BMPR1B: variants seen among roughly 807,000 people sequenced by gnomAD.
The protein encoded by BMPR1B is bone morphogenetic protein receptor type 1B, also known as bone morphogenetic protein receptor type-1B.
In BMPR1B, 12 loss-of-function variants were observed where a neutral mutation model predicts 59.1. The observed-to-expected ratio is 0.20, with a 90% CI of 0.13 to 0.33. The LOEUF (loss-of-function observed/expected upper bound fraction) is 0.33. Ranked by LOEUF, BMPR1B falls within the 10% of genes least tolerant of loss-of-function variation. The pLI, the probability that BMPR1B is intolerant of heterozygous loss-of-function variation, is 1.00. For missense variants in BMPR1B, 550 were observed against 610.9 expected (o/e 0.90, Z 1.05); for synonymous variants, 237 against 207.3 (o/e 1.14, Z -1.23).
chr4:94,827,182 C>G (rs1257370851), intron 1 of BMPR1B, among the ~76,000 whole-genome samples: 1 of 152,064 alleles, frequency 6.6e-6, no homozygotes. Flanking sequence ...GCTTCAATAG[C>G]AAAAGCACTT....
rs750357066 is a variant in BMPR1B, at chr4:95,131,245, G to A, written c.809G>A (p.Gly270Glu). 6.2e-7 allele frequency: 1 copy of A among 1,613,682 alleles called. No homozygotes were observed. Among genetic ancestry groups the A allele is most frequent in the Non-Finnish European group, 8.5e-7 (1 of 1,179,896 alleles). ...ATTGCTGCAGATATCAAAGGGACAGGGTCCTGGACCCAGTTGTACCTAATC... is the reference window on the plus strand; with the variant it reads ...ATTGCTGCAGATATCAAAGGGACAGAGTCCTGGACCCAGTTGTACCTAATC... ...GFIAADIKGT[G>E]SWTQLYLITD... The change falls in exon 10 of 13, where the codon GGG becomes GAG. Residue 270 changes from glycine to glutamate, a missense_variant. Coordinates refer to ENST00000515059, the MANE Select transcript of BMPR1B (RefSeq NM_001203.3).
intron 3 of BMPR1B, among the ~76,000 whole-genome samples, chr4:95,034,554 T>G (rs1299217963): frequency 1.3e-5 from 2 of 152,104 alleles, no homozygotes; most frequent in Non-Finnish European, 2.9e-5. Context: ...CCTGAATTAT[T>G]TCACTTAGAA....
chr4:94,781,690 G>A (rs1722595478), intron 1 of BMPR1B, among the ~76,000 whole-genome samples: 1 of 152,184 alleles, frequency 6.6e-6, no homozygotes, highest in Non-Finnish European at 1.5e-5. Flanking sequence ...GGTTATAGGC[G>A]TGAGCCACTC....
At chr4:94,850,840 A>G (rs1156072) in intron 1 of BMPR1B, among the ~76,000 whole-genome samples, 24,787 of 152,004 alleles carry the variant, frequency 0.16, 2,351 homozygotes, top group Admixed American at 0.24. Context: ...CTCTCTCTCC[A>G]TGGGTTCTTT....
At chr4:95,041,665 C>T (rs1390748252) in intron 3 of BMPR1B, among the ~76,000 whole-genome samples, 1 of 151,686 alleles carries the variant, frequency 6.6e-6, no homozygotes, top group Non-Finnish European at 1.5e-5. Flanking sequence ...ATCTGGGTCC[C>T]TACCTAGTGA....
chr4:95,027,697 T>C (rs1174416193), intron 3 of BMPR1B, among the ~76,000 whole-genome samples: 1 of 152,186 alleles, frequency 6.6e-6, no homozygotes, highest in East Asian at 1.9e-4. Context: ...ATAGAACTGT[T>C]TTTACTTTTA....
At chr4:95,113,989 C>G (rs529246711) in intron 4 of BMPR1B, among the ~76,000 whole-genome samples, 6 of 152,182 alleles carry the variant, frequency 3.9e-5, no homozygotes, top group African/African-American at 1.4e-4. Context: ...TATTTCCTCT[C>G]CACTGTCTTA....
rs764792432 is a variant in BMPR1B at position 95,127,664 on chromosome 4, A to G, written c.586-2198A>G. On this transcript the variant is annotated intron_variant, in intron 8 of 12. Coordinates refer to ENST00000515059, the MANE Select transcript of BMPR1B (RefSeq NM_001203.3). ...TGTTGCTCCTGTTTCCTTGTTTGGA[A>G]ATGGAGTACAGTGGACTCAACATGA... Among the ~76,000 whole-genome samples, 53 of 152,026 alleles carry G rather than the reference A, an allele frequency of 3.5e-4. 1 individual carries two copies. The highest frequency in any genetic ancestry group is 2.8e-4 in the Non-Finnish European group (19 of 68,034).
At chr4:95,104,694 T>C (rs1488162645) in intron 4 of BMPR1B, 127 bp downstream of exon 4, 1 of 1,199,648 alleles carries the variant, frequency 8.3e-7, no homozygotes, top group African/African-American at 1.5e-5. Flanking sequence ...CGTAAACTCT[T>C]AGAGCTGTGC....
intron 1 of BMPR1B, among the ~76,000 whole-genome samples, chr4:94,770,174 G>A (rs1016612607): frequency 1.0e-4 from 4 of 38,310 alleles, no homozygotes; most frequent in African/African-American, 5.1e-4. Context: ...ATTGTCCTTC[G>A]TTTCTGTGTT....
At chr4:95,018,231 TAAAG>T (rs1723722746) in intron 3 of BMPR1B, among the ~76,000 whole-genome samples, 1 of 152,214 alleles carries the variant, frequency 6.6e-6, no homozygotes. Flanking sequence ...ATACTGTTCT[TAAAG>T]GAAGTAATTT....
intron 3 of BMPR1B, among the ~76,000 whole-genome samples, chr4:95,082,125 C>G: frequency 9.4e-6 from 1 of 106,152 alleles, no homozygotes; most frequent in Non-Finnish European, 1.8e-5. Context: ...TAATGCTATC[C>G]CTCCCCCCTC....
chr4:94,842,023 A>T (rs1725106524), intron 1 of BMPR1B, among the ~76,000 whole-genome samples: 1 of 152,156 alleles, frequency 6.6e-6, no homozygotes, highest in South Asian at 2.1e-4. Context: ...GAAGACAGAG[A>T]TGCTGATGAT....
intron 2 of BMPR1B, among the ~76,000 whole-genome samples, chr4:94,984,816 G>A (rs574881580): frequency 7.2e-5 from 11 of 152,296 alleles, no homozygotes; most frequent in East Asian, 1.9e-4. Flanking sequence ...AGGAGGAAAC[G>A]CTACCAGTGT....
At chr4:95,011,128 TGGTTA>T (rs1723196743) in intron 3 of BMPR1B, among the ~76,000 whole-genome samples, 3 of 152,254 alleles carry the variant, frequency 2.0e-5, no homozygotes, top group Admixed American at 6.5e-5. Context: ...ATGTGAAGGC[TGGTTA>T]CGTAGGTAAA....
rs569858934 is a variant in BMPR1B at position 95,147,350 on chromosome 4, T to C, written c.1077-1398T>C. ...TAAAATGTTCTCAAATGACAAAAAA[T>C]GACACCATGTATTTCATGTTGTAGA... On this transcript the variant is annotated intron_variant, in intron 10 of 12. Coordinates refer to ENST00000515059, the MANE Select transcript of BMPR1B (RefSeq NM_001203.3). Among the ~76,000 whole-genome samples, 4 of 152,300 alleles carry C rather than the reference T, an allele frequency of 2.6e-5. No individual in the cohort carries two copies. In the South Asian group the frequency reaches 8.3e-4, roughly 32 times the overall value.
chr4:95,130,860 G>C (rs1733301232), intron 9 of BMPR1B, among the ~76,000 whole-genome samples: 1 of 150,496 alleles, frequency 6.6e-6, no homozygotes, highest in South Asian at 2.1e-4. Flanking sequence ...TTCCCGAGTA[G>C]TTGGGATCAC....
At chr4:95,080,299 C>T (rs1051178214) in intron 3 of BMPR1B, among the ~76,000 whole-genome samples, 3 of 151,924 alleles carry the variant, frequency 2.0e-5, no homozygotes, top group Non-Finnish European at 2.9e-5. Flanking sequence ...TGCAGTGGTA[C>T]GATCTCGGCT....
chr4:95,116,099 T>A (rs1433067524), intron 6 of BMPR1B, among the ~76,000 whole-genome samples: 3 of 152,174 alleles, frequency 2.0e-5, no homozygotes, highest in Non-Finnish European at 2.9e-5. Flanking sequence ...TGAAAGTTAT[T>A]CAGAAGTTGT....
Sources: gnomAD v4.1 joint callset for allele counts (sites outside exome capture counted in the v4.1 genomes callset) on GRCh38, gnomAD v4.1.1 for gene constraint, MANE v1.5 for transcripts, NCBI Gene and HGNC (gene_info 2026-07-23, HGNC 2026-07-21) for gene names.